PRSS50: variants seen among roughly 807,000 people sequenced by gnomAD.
The protein encoded by PRSS50 is probable threonine protease PRSS50.
PRSS50 carries 23 observed loss-of-function variants against 34.2 expected under a neutral mutation model. The ratio of observed to expected loss-of-function variants is 0.67; its 90% CI spans 0.48 to 0.95. The LOEUF (loss-of-function observed/expected upper bound fraction) is 0.95. Ranked by LOEUF, PRSS50 falls within the 40% of genes least tolerant of loss-of-function variation. The pLI, the probability that PRSS50 is intolerant of heterozygous loss-of-function variation, is 0.00. For missense variants in PRSS50, 484 were observed against 513.4 expected (o/e 0.94, Z 0.55); for synonymous variants, 224 against 211.2 (o/e 1.06, Z -0.53).
rs993237022 is a variant in PRSS50 at position 46,715,024 on chromosome 3, C to T, written c.470+511G>A. The stretch of plus-strand genomic sequence containing the variant: ...ACAGCCAGCACTCCTGGCCCCAAAA[C>T]ATCAGAACACTCCCTCTTTTGTCCC... On this transcript the variant is annotated intron_variant, in intron 3 of 5. Transcript: ENST00000315170. The surrounding 1 kb of genome is among the most constrained non-coding windows in gnomAD (Gnocchi z 5.2). Among the ~76,000 whole-genome samples the T allele has an allele frequency of 4.6e-5, 7 of 152,230 alleles. No individual in the cohort carries two copies. Among genetic ancestry groups the T allele is most frequent in the African/African-American group, 1.7e-4 (7 of 41,460 alleles).
In PRSS50 at chr3:46,714,500, G is replaced by A. The variant is rs780228783; in HGVS notation, c.472C>T (p.Arg158Cys). The change falls in exon 4 of 6, where the codon CGT (arginine) becomes TGT (cysteine). Residue 158 changes from arginine to cysteine, a missense_variant and splice_region_variant. Coordinates refer to ENST00000315170, the MANE Select transcript of PRSS50 (RefSeq NM_013270.5). ...VLTVAHCLIW[R>C]DVIYSVRVGS... ...ACCCTCACTGAGTAGATAACATCAC[G>A]CCTAGGGGGGCCGTGAGGGGAGGCC... 1.8e-5 allele frequency: 28 copies of A among 1,575,362 alleles called. No individual in the cohort carries two copies. Among genetic ancestry groups the A allele is most frequent in the South Asian group, 6.9e-5 (6 of 86,954 alleles).
chr3:46,714,196 G>C (rs773220328), intron 4 of PRSS50, 22 bp downstream of exon 4: 1 of 1,608,680 alleles, frequency 6.2e-7, no homozygotes, highest in African/African-American at 1.3e-5. Context: ...ACCCGCCCTG[G>C]TCTGCAGAGG....
Position 46,717,750 on chromosome 3 carries a change from C to T in PRSS50, c.75G>A (p.Leu25=). 2 of 1,592,820 alleles carry T rather than the reference C, an allele frequency of 1.3e-6. No homozygotes were observed. Among genetic ancestry groups the T allele is most frequent in the Non-Finnish European group, 1.7e-6 (2 of 1,170,614 alleles). ...RTSAPSRAGA[L]LLLLLLLRSA... is the part of the protein sequence containing the mutation. ...ACCTCAGCAACAGAAGCAGCAGCAG[C>T]AGGGCACCGGCGCGGGAGGGGGCAG... Residue 25 remains leucine (L), a synonymous_variant, in exon 1 of 6, where the codon CTG becomes CTA. Coordinates refer to ENST00000315170, the MANE Select transcript of PRSS50 (RefSeq NM_013270.5). This position sits in a 1 kb window ranked among gnomAD's most constrained non-coding sequence, Gnocchi z 4.5.
chr3:46,712,265 C>A lies in PRSS50; in HGVS notation c.1139G>T (p.Ser380Ile). Reference protein sequence around the residue: ...TLLLALPLPLSLLAAL With the variant: ...TLLLALPLPLILLAAL ...ACAGAGTCAGAGGGCAGCAAGGAGG[C>A]TGAGGGGCAGTGGGAGTGCCAGGAG... is the stretch of plus-strand genomic sequence containing the variant. Residue 380 changes from serine (S) to isoleucine (I), a missense_variant, in exon 6 of 6, where the codon AGC becomes ATC. Transcript: ENST00000315170. The A allele has an allele frequency of 1.2e-6, 2 of 1,610,252 alleles. No individual in the cohort carries two copies. Among genetic ancestry groups the A allele is most frequent in the Non-Finnish European group, 1.7e-6 (2 of 1,178,404 alleles).
chr3:46,712,556 C>G, intron 5 of PRSS50, 74 bp from the exon 6 acceptor site: 14 of 1,401,702 alleles, frequency 1.0e-5, no homozygotes, highest in Non-Finnish European at 1.4e-5. Flanking sequence ...CCAGGACAGG[C>G]GGGATGTCCT....
chr3:46,714,488 A>G lies in PRSS50; in HGVS notation c.484T>C (p.Tyr162His). Residue 162 changes from tyrosine (Y) to histidine (H), a missense_variant, in exon 4 of 6, where the codon TAC (tyrosine) becomes CAC (histidine). Physicochemically the swap from Tyr to His is moderately conservative, Grantham distance 83. Transcript: ENST00000315170. Reference protein sequence around the residue: ...AHCLIWRDVIYSVRVGSPWID... With the variant: ...AHCLIWRDVIHSVRVGSPWID... ...CACGGACTCCCCACCCTCACTGAGT[A>G]GATAACATCACGCCTAGGGGGGCCG... is the stretch of plus-strand genomic sequence containing the variant. 6.3e-7 allele frequency: 1 copy of G among 1,597,214 alleles called. No homozygotes were observed. Among genetic ancestry groups the G allele is most frequent in the East Asian group, 2.3e-5 (1 of 44,298 alleles).
chr3:46,715,810 C>T lies in PRSS50; in HGVS notation c.308-113G>A, dbSNP rs756403533. 21 of 1,112,980 alleles carry T rather than the reference C, an allele frequency of 1.9e-5. No individual in the cohort carries two copies. Among genetic ancestry groups the T allele is most frequent in the Admixed American group, 8.0e-5 (3 of 37,422 alleles). The allele number at this position is 1,112,980 out of a possible 1,614,324, so 68.9% of individuals were successfully genotyped here. ...TGGCCTGCACCCATCCAGGGGTGCT[C>T]CCTTTTCACCTGTCACCATGGAATG... On this transcript the variant is annotated intron_variant, in intron 2 of 5. Transcript: ENST00000315170. The surrounding 1 kb of genome is among the most constrained non-coding windows in gnomAD (Gnocchi z 5.2).
chr3:46,715,131 T>C lies in PRSS50; in HGVS notation c.470+404A>G, dbSNP rs142392396. Among the ~76,000 whole-genome samples the C allele has an allele frequency of 1.3e-3, 198 of 152,336 alleles. No individual in the cohort carries two copies. The highest frequency in any genetic ancestry group is 4.6e-3 in the African/African-American group (192 of 41,564). The stretch of plus-strand genomic sequence containing the variant: ...GCTGGAAGGAATGATCCATCCCTCC[T>C]CTGCCCCCAGTGTCCAGGCCAGGGC... On this transcript the variant is annotated intron_variant, in intron 3 of 5. Coordinates refer to ENST00000315170, the MANE Select transcript of PRSS50 (RefSeq NM_013270.5). The surrounding 1 kb of genome is among the most constrained non-coding windows in gnomAD (Gnocchi z 5.2).
chr3:46,714,142 T>A (rs1164318599), intron 4 of PRSS50, 76 bp downstream of exon 4: 3 of 1,533,930 alleles, frequency 2.0e-6, no homozygotes, highest in Admixed American at 3.6e-5. Flanking sequence ...GAAACATCCA[T>A]CTGTGGTGGC....
chr3:46,712,858 C>G (rs1448843370), intron 5 of PRSS50, 43 bp downstream of exon 5: 1 of 1,603,644 alleles, frequency 6.2e-7, no homozygotes, highest in East Asian at 2.2e-5. Context: ...TGCCTCTCCC[C>G]CAGGTGCCCC....
rs575112036 is a variant in PRSS50 at position 46,716,333 on chromosome 3, G to A, written c.308-636C>T. Among the ~76,000 whole-genome samples, 1 of 152,268 alleles carries A rather than the reference G, an allele frequency of 6.6e-6. No individual in the cohort carries two copies. Among genetic ancestry groups the A allele is most frequent in the South Asian group, 2.1e-4 (1 of 4,822 alleles). ...TGCAGTGGTATGATCATTGTTCACT[G>A]TAACCTCAAACTCCTAGGCTCAAAT... is the stretch of plus-strand genomic sequence containing the variant. On this transcript the variant is annotated intron_variant, in intron 2 of 5. Transcript: ENST00000315170. This position sits in a 1 kb window ranked among gnomAD's most constrained non-coding sequence, Gnocchi z 4.4.
rs1700679574 is a variant in PRSS50 at position 46,716,006 on chromosome 3, C to T, written c.308-309G>A. Among the ~76,000 whole-genome samples the T allele has an allele frequency of 6.6e-6, 1 of 152,206 alleles. No individual in the cohort carries two copies. Among genetic ancestry groups the T allele is most frequent in the Non-Finnish European group, 1.5e-5 (1 of 68,032 alleles). ...AACACACTCTCAGCTCCAATCAGAT[C>T]CTTCACTAACTTGTTCTCATTTCCA... is the stretch of plus-strand genomic sequence containing the variant. On this transcript the variant is annotated intron_variant, in intron 2 of 5. Coordinates refer to ENST00000315170, the MANE Select transcript of PRSS50 (RefSeq NM_013270.5). This position sits in a 1 kb window ranked among gnomAD's most constrained non-coding sequence, Gnocchi z 4.4.
chr3:46,713,079 G>A lies in PRSS50; in HGVS notation c.755-12C>T. The A allele has an allele frequency of 6.2e-7, 1 of 1,613,258 alleles. No individual in the cohort carries two copies. Among genetic ancestry groups the A allele is most frequent in the Non-Finnish European group, 8.5e-7 (1 of 1,179,436 alleles). On this transcript the variant is annotated splice_polypyrimidine_tract_variant and intron_variant, in intron 4 of 5. Coordinates refer to ENST00000315170, the MANE Select transcript of PRSS50 (RefSeq NM_013270.5). The stretch of plus-strand genomic sequence containing the variant: ...CTGAGGCCACATGCCTGTGGGACAG[G>A]GCCCCATTTAGGCGCAGCCACTCAC...
At position 46,712,147 on chromosome 3, in the gene PRSS50, C is replaced by T. The variant is rs1190398894; in HGVS notation, c.*99G>A. The T allele has an allele frequency of 3.7e-6, 4 of 1,068,242 alleles. No homozygotes were observed. Among genetic ancestry groups the T allele is most frequent in the Non-Finnish European group, 5.4e-6 (4 of 738,628 alleles). 66.2% of individuals were successfully genotyped at this position (1,068,242 alleles called of 1,614,324 possible). ...AAAACAGTAATGTTTAATTGAGCAC[C>T]TCATCTCCACCCTGACTCTCAGGGC... On this transcript the variant is annotated 3_prime_UTR_variant, in exon 6 of 6. Transcript: ENST00000315170.
chr3:46,712,127 A>C lies in PRSS50; in HGVS notation c.*119T>G. ...CGGGGAAGAAGGAGGCATGGAAAAC[A>C]GTAATGTTTAATTGAGCACCTCATC... is the stretch of plus-strand genomic sequence containing the variant. On this transcript the variant is annotated 3_prime_UTR_variant, in exon 6 of 6. Transcript: ENST00000315170. 6.6e-6 allele frequency: 6 copies of C among 915,222 alleles called. No homozygotes were observed. Among genetic ancestry groups the C allele is most frequent in the Non-Finnish European group, 9.9e-6 (6 of 606,834 alleles). 56.7% of individuals were successfully genotyped at this position (915,222 alleles called of 1,614,324 possible).
Position 46,715,595 on chromosome 3 carries a change from ATG to A in PRSS50, c.408_409del (p.Ile137LeufsTer22), listed in dbSNP as rs1333411320. 6.2e-7 allele frequency: 1 copy of A among 1,613,712 alleles called. No individual in the cohort carries two copies. The highest frequency in any genetic ancestry group is 1.7e-5 in the Admixed American group (1 of 60,004). On this transcript the variant is annotated frameshift_variant, in exon 3 of 6. Transcript: ENST00000315170. LOFTEE classifies it high-confidence loss of function. The surrounding 1 kb of genome is among the most constrained non-coding windows in gnomAD (Gnocchi z 5.2). ...GGAGGCAATGATGGTGCCGGCACAG[ATG>A]TGTGTGCCATTGGCCCGCACGCTGA...
intron 4 of PRSS50, among the ~76,000 whole-genome samples, chr3:46,713,287 C>T (rs1700642239): frequency 1.3e-5 from 2 of 152,212 alleles, no homozygotes; most frequent in Admixed American, 1.3e-4. Context: ...TCGCTTCCTG[C>T]AGTGCCCAGG....
rs1360933579 is a variant in PRSS50 at position 46,715,896 on chromosome 3, A to ATC, written c.308-201_308-200dup. Among the ~76,000 whole-genome samples, 3 of 152,174 alleles carry ATC rather than the reference A, an allele frequency of 2.0e-5. No individual in the cohort carries two copies. Among genetic ancestry groups the ATC allele is most frequent in the Non-Finnish European group, 2.9e-5 (2 of 67,980 alleles). On this transcript the variant is annotated intron_variant, in intron 2 of 5. Coordinates refer to ENST00000315170, the MANE Select transcript of PRSS50 (RefSeq NM_013270.5). This position sits in a 1 kb window ranked among gnomAD's most constrained non-coding sequence, Gnocchi z 5.2. ...AGAAGGGTCCAAGCACTGCCCAGAT[A>ATC]TCTCTCTCCCTGTTCCCACAGCCCG...
In PRSS50 at chr3:46,713,036, C is replaced by G. The variant is rs374887819; in HGVS notation, c.786G>C (p.Glu262Asp). The change falls in exon 5 of 6, where the codon GAG (glutamate) becomes GAC (aspartate). Residue 262 changes from glutamate (E) to aspartate (D), a missense_variant. Glu to Asp is a conservative substitution (Grantham distance 45). Coordinates refer to ENST00000315170, the MANE Select transcript of PRSS50 (RefSeq NM_013270.5). ...GMWPQFRTIQ[E>D]KEVIILNNKE... ...TGTTGTTCAGGATGATGACTTCCTT[C>G]TCCTGAATGGTCCGGAACTGAGGCC... is the stretch of plus-strand genomic sequence containing the variant. 6 of 1,614,102 alleles carry G rather than the reference C, an allele frequency of 3.7e-6. No homozygotes were observed. In the East Asian group the frequency reaches 1.1e-4, roughly 30 times the overall value.
Sources: allele counts gnomAD v4.1 joint callset (sites outside exome capture counted in the v4.1 genomes callset), GRCh38; gene constraint gnomAD v4.1.1; non-coding constraint Gnocchi (gnomAD v3.1); transcripts MANE v1.5; gene names NCBI Gene and HGNC (gene_info 2026-07-23, HGNC 2026-07-21).